KLC3: variants seen among roughly 807,000 people sequenced by gnomAD.
KLC3 encodes the protein kinesin light chain 2.
A neutral mutation model predicts 62.9 loss-of-function variants in KLC3; 72 were observed. The ratio of observed to expected loss-of-function variants is 1.15; its 90% CI spans 0.95 to 1.39. KLC3 has a LOEUF of 1.39. Among genes scored for constraint, KLC3 ranks in the 40% most tolerant of loss-of-function variants. The probability of loss-of-function intolerance (pLI) is 0.00; values close to 1 mark genes in which losing one functional copy is unlikely to be tolerated. For synonymous variants in KLC3, 377 were observed against 300.5 expected (o/e 1.25, Z -2.63); for missense variants, 848 against 691.6 (o/e 1.23, Z -2.54).
intron 3 of KLC3, 62 bp from the exon 4 acceptor site, chr19:45,347,385 A>G: frequency 9.7e-7 from 1 of 1,026,156 alleles, no homozygotes; most frequent in Non-Finnish European, 1.5e-6. Context: ...AGATAGAGCC[A>G]GGGCCCCGGT....
chr19:45,341,186 T>G (rs369335), intron 1 of KLC3, among the ~76,000 whole-genome samples: 10,297 of 111,840 alleles, frequency 0.092, 541 homozygotes, highest in African/African-American at 0.16. Flanking sequence ...CTGCCTGTGT[T>G]TGTGTGTGTG....
chr19:45,351,266 T>C lies in KLC3; in HGVS notation c.1444-20T>C, dbSNP rs1303052898. 1.9e-6 allele frequency: 3 copies of C among 1,610,740 alleles called. No homozygotes were observed. The highest frequency in any genetic ancestry group is 1.3e-5 in the African/African-American group (1 of 74,934). On this transcript the variant is annotated intron_variant, in intron 12 of 12. Coordinates refer to ENST00000391946, the MANE Select transcript of KLC3 (RefSeq NM_177417.3). ...TTGCCCCTCACCTCCCCTCCAACCATCCCCTGTGCCTGTCTCCAGTTTCCC... is the reference window on the plus strand; with the variant it reads ...TTGCCCCTCACCTCCCCTCCAACCACCCCCTGTGCCTGTCTCCAGTTTCCC...
At chr19:45,350,809 CCCCA>C (rs879789653) in intron 11 of KLC3, 62 bp downstream of exon 11, 32,006 of 1,360,642 alleles carry the variant, frequency 0.024, 176 homozygotes, top group Non-Finnish European at 0.027. Flanking sequence ...CCCACCCCAC[CCCCA>C]CCCCCATCTT....
chr19:45,347,921 G>GGCCCCCCCCCC lies in KLC3; in HGVS notation c.560-20_560-19insGCCCCCCCCCC. 1 of 1,575,116 alleles carries GGCCCCCCCCCC rather than the reference G, an allele frequency of 6.3e-7. No homozygotes were observed. Among genetic ancestry groups the GGCCCCCCCCCC allele is most frequent in the African/African-American group, 1.3e-5 (1 of 74,192 alleles). On this transcript the variant is annotated intron_variant, in intron 4 of 12. Transcript: ENST00000391946. The stretch of plus-strand genomic sequence containing the variant: ...GGCAGGAGGCTTGCAGTGACCCAGA[G>GGCCCCCCCCCC]CCCACCCCACCCCACCTAGGTCCTG...
At chr19:45,341,578 T>TGTGTGTGTGTGTGTGTGTGCGCGC in intron 1 of KLC3, among the ~76,000 whole-genome samples, 7 of 139,798 alleles carry the variant, frequency 5.0e-5, no homozygotes, top group African/African-American at 1.9e-4. Flanking sequence ...TGTGTGTGTG[T>TGTGTGTGTGTGTGTGTGTGCGCGC]GCGCGCGCGC....
chr19:45,349,970 A>C, intron 8 of KLC3: 1 of 418,032 alleles, frequency 2.4e-6, no homozygotes, highest in Non-Finnish European at 4.3e-6. Flanking sequence ...AGACTGAGGC[A>C]CCGAGGCCAT....
chr19:45,341,642 T>C (rs1971398536), intron 1 of KLC3, among the ~76,000 whole-genome samples: 1 of 148,720 alleles, frequency 6.7e-6, no homozygotes, highest in Non-Finnish European at 1.5e-5. Flanking sequence ...GATTGACTTT[T>C]GATTGTGTGT....
intron 8 of KLC3, 83 bp downstream of exon 8, chr19:45,349,685 C>A (rs1311332432): frequency 4.7e-6 from 4 of 857,792 alleles, no homozygotes; most frequent in Admixed American, 3.7e-5. Flanking sequence ...ACAGGGTGAG[C>A]AACGTGAGGG....
At chr19:45,351,111 A>C in intron 12 of KLC3, 94 bp downstream of exon 12, 1 of 1,608,044 alleles carries the variant, frequency 6.2e-7, no homozygotes, top group Non-Finnish European at 8.5e-7. Flanking sequence ...TGGTGGAGTC[A>C]GCAGGTGGTG....
At position 45,350,471 on chromosome 19, in the gene KLC3, T is replaced by C; in HGVS notation, c.1234+40T>C. The stretch of plus-strand genomic sequence containing the variant: ...CCTGTCTGTCTTCCCTCCTGGTGGC[T>C]TCTCTATGTCCCCATCTCAGTGTCC... On this transcript the variant is annotated intron_variant, in intron 9 of 12. Transcript: ENST00000391946. The C allele has an allele frequency of 3.1e-6, 5 of 1,613,006 alleles. No individual in the cohort carries two copies. The South Asian group carries it at 3.3e-5, about 11-fold the overall frequency.
chr19:45,350,703 G>A lies in KLC3; in HGVS notation c.1335G>A (p.Lys445=). ...AGTCTATCAGGCGAGGAAGTGAGAA[G>A]CTGGTCTCCCGGCTCCGAGGCGAGG... ...IRESIRRGSE[K]LVSRLRGEAA... The change falls in exon 11 of 13, where the codon AAG becomes AAA. Residue 445 remains lysine (K), a synonymous_variant. Transcript: ENST00000391946. 6.2e-7 allele frequency: 1 copy of A among 1,613,800 alleles called. No homozygotes were observed.
At chr19:45,349,136 A>T (rs1971591155) in intron 7 of KLC3, among the ~76,000 whole-genome samples, 1 of 151,880 alleles carries the variant, frequency 6.6e-6, no homozygotes, top group South Asian at 2.1e-4. Flanking sequence ...CTTACCTCAC[A>T]CATCACCCTC....
intron 3 of KLC3, 102 bp from the exon 4 acceptor site, chr19:45,347,340 CAAAAA>C (rs538695727): frequency 2.7e-5 from 15 of 558,316 alleles, no homozygotes; most frequent in East Asian, 1.0e-4. Flanking sequence ...AACTCCGTCT[CAAAAA>C]AAAAAAAAAA....
chr19:45,350,785 A>T, intron 11 of KLC3, 38 bp downstream of exon 11: 1 of 1,565,496 alleles, frequency 6.4e-7, no homozygotes, highest in South Asian at 1.2e-5. Context: ...CCCTGACATC[A>T]GCAGAATCCA....
intron 4 of KLC3, 54 bp from the exon 5 acceptor site, chr19:45,347,887 G>A: frequency 2.1e-6 from 3 of 1,429,282 alleles, no homozygotes; most frequent in South Asian, 1.2e-5. Context: ...CCTCATGCGA[G>A]GCTGGAGGGG....
At position 45,341,180 on chromosome 19, in the gene KLC3, CTGTGTTTGTG is replaced by C. The variant is rs1195106621; in HGVS notation, c.-9+340_-9+349del. On this transcript the variant is annotated intron_variant, in intron 1 of 12. Transcript: ENST00000391946. ...GCCACGATGGGAGTCTCCTGCCTGC[CTGTGTTTGTG>C]TGTGTGTGTGTGTGTGTGTGTGTGG... 4.6e-5 allele frequency among the ~76,000 whole-genome samples: 4 copies of C among 87,832 alleles called. No homozygotes were observed. In the South Asian group the frequency reaches 1.3e-3, roughly 29 times the overall value. 57.6% of individuals were successfully genotyped at this position (87,832 alleles called of 152,430 possible).
Position 45,345,932 on chromosome 19 carries a change from G to T in KLC3, c.258+133G>T, listed in dbSNP as rs192555491. 2.3e-4 allele frequency: 237 copies of T among 1,023,764 alleles called. 1 individual carries two copies. Among genetic ancestry groups the T allele is most frequent in the Admixed American group, 5.5e-4 (19 of 34,616 alleles). The allele number at this position is 1,023,764 out of a possible 1,614,324, so 63.4% of individuals were successfully genotyped here. On this transcript the variant is annotated intron_variant, in intron 2 of 12. Coordinates refer to ENST00000391946, the MANE Select transcript of KLC3 (RefSeq NM_177417.3). ...GCAGAGGGGCACACTTTGGGAGGCT[G>T]AGGTGGGCAGATCACTTGAGGTCAG...
At position 45,346,630 on chromosome 19, in the gene KLC3, G is replaced by C; in HGVS notation, c.345G>C (p.Glu115Asp). The change falls in exon 3 of 13, where the codon GAG (glutamate) becomes GAC (aspartate). Residue 115 changes from glutamate to aspartate, a missense_variant. By Grantham distance (45) the Glu-to-Asp change is conservative (BLOSUM62 2). Coordinates refer to ENST00000391946, the MANE Select transcript of KLC3 (RefSeq NM_177417.3). Reference protein sequence around the residue: ...LRSQARRLAQENVWLREELEE... With the variant: ...LRSQARRLAQDNVWLREELEE... ...CGCAGGCCCGGCGGCTGGCCCAGGAGAACGTGTGGCTGCGGGAGGAACTGG... is the reference window on the plus strand; with the variant it reads ...CGCAGGCCCGGCGGCTGGCCCAGGACAACGTGTGGCTGCGGGAGGAACTGG... The C allele has an allele frequency of 6.4e-7, 1 of 1,553,352 alleles. No homozygotes were observed. The highest frequency in any genetic ancestry group is 8.7e-7 in the Non-Finnish European group (1 of 1,148,714).
chr19:45,349,199 C>T (rs994783178), intron 7 of KLC3, among the ~76,000 whole-genome samples: 5 of 152,112 alleles, frequency 3.3e-5, no homozygotes, highest in East Asian at 1.9e-4. Context: ...CAGCACAAGC[C>T]CAACCCTGAC....
Sources: allele counts gnomAD v4.1 joint callset (sites outside exome capture counted in the v4.1 genomes callset), GRCh38; gene constraint gnomAD v4.1.1; transcripts MANE v1.5; gene names NCBI Gene and HGNC (gene_info 2026-07-23, HGNC 2026-07-21).